Variants in ERLEC1 observed in about 807,000 individuals in gnomAD.
The protein encoded by ERLEC1 is endoplasmic reticulum lectin 1, also known as ER lectin.
ERLEC1 carries 47 observed loss-of-function variants against 68.0 expected under a neutral mutation model. The observed-to-expected ratio is 0.69, with a 90% CI of 0.55 to 0.88. The LOEUF is 0.88. ERLEC1 is among the 40% of genes least tolerant of loss of function. The probability of loss-of-function intolerance (pLI) is 0.00; values close to 1 mark genes in which losing one functional copy is unlikely to be tolerated. For missense variants in ERLEC1, 567 were observed against 583.8 expected (o/e 0.97, Z 0.30); for synonymous variants, 225 against 203.2 (o/e 1.11, Z -0.91).
chr2:53,806,132 A>T (rs1014580194), intron 8 of ERLEC1, among the ~76,000 whole-genome samples: 1 of 152,208 alleles, frequency 6.6e-6, no homozygotes, highest in Non-Finnish European at 1.5e-5. Flanking sequence ...ATAAACAAAA[A>T]TATAAATCTG....
chr2:53,797,541 A>C lies in ERLEC1; in HGVS notation c.375A>C (p.Val125=). The change falls in exon 4 of 14, where the codon GTA becomes GTC. Residue 125 remains valine (V), a synonymous_variant. Coordinates refer to ENST00000185150, the MANE Select transcript of ERLEC1 (RefSeq NM_015701.5). ...YRIESYWTYE[V]CHGKHIRQYH... ...TTGAGTCTTATTGGACTTACGAAGT[A>C]TGTCATGGAAAACACATTCGGCAGT... 1 of 1,612,716 alleles carries C rather than the reference A, an allele frequency of 6.2e-7. No individual in the cohort carries two copies.
At chr2:53,814,412 T>C (rs1676751595) in intron 11 of ERLEC1, 131 bp from the exon 12 acceptor site, 1 of 534,976 alleles carries the variant, frequency 1.9e-6, no homozygotes, top group African/African-American at 1.9e-5. Flanking sequence ...TTTTAAAGAA[T>C]ATTTTATAGT....
intron 13 of ERLEC1, among the ~76,000 whole-genome samples, chr2:53,817,317 T>C (rs1439608946): frequency 1.3e-5 from 2 of 152,056 alleles, no homozygotes; most frequent in African/African-American, 4.8e-5. Flanking sequence ...GTATTTTTAG[T>C]AGAGACGGGG....
intron 13 of ERLEC1, 53 bp downstream of exon 13, chr2:53,814,988 T>TTTTTTTA: frequency 9.4e-7 from 1 of 1,067,744 alleles, no homozygotes; most frequent in Non-Finnish European, 1.3e-6. Flanking sequence ...TGTTTTAATT[T>TTTTTTTA]TTTTTTCTTT....
chr2:53,808,680 A>G (rs1676430147), intron 9 of ERLEC1, among the ~76,000 whole-genome samples: 1 of 152,130 alleles, frequency 6.6e-6, no homozygotes, highest in Admixed American at 6.6e-5. Context: ...TAAAAATTTG[A>G]CCTTTTGTCT....
At chr2:53,797,831 G>A (rs761069191) in intron 5 of ERLEC1, 36 bp downstream of exon 5, 3 of 1,542,990 alleles carry the variant, frequency 1.9e-6, no homozygotes, top group Non-Finnish European at 2.7e-6. Context: ...AGTAATGCTG[G>A]AATTTGGTTT....
In ERLEC1 at chr2:53,787,368, C is replaced by T. The variant is rs372793033; in HGVS notation, c.158C>T (p.Ser53Phe). The T allele has an allele frequency of 1.4e-5, 23 of 1,610,406 alleles. No homozygotes were observed. Among genetic ancestry groups the T allele is most frequent in the African/African-American group, 2.7e-5 (2 of 74,930 alleles). Residue 53 changes from serine to phenylalanine, a missense_variant, in exon 1 of 14, where the codon TCT (serine) becomes TTT (phenylalanine). Coordinates refer to ENST00000185150, the MANE Select transcript of ERLEC1 (RefSeq NM_015701.5). ...GTCAACTGGCCCGGCACCGAGTTCT[C>T]TCTGGTCAGTGCCCTCACTAACCCC... Reference protein sequence around the residue: ...FRVNWPGTEFSLPTTGVLYKE... With the variant: ...FRVNWPGTEFFLPTTGVLYKE...
At chr2:53,790,132 C>T (rs902062213) in intron 1 of ERLEC1, among the ~76,000 whole-genome samples, 1 of 151,678 alleles carries the variant, frequency 6.6e-6, no homozygotes, top group Non-Finnish European at 1.5e-5. Flanking sequence ...CTCGCTCTGT[C>T]ACCCAGGCTA....
At position 53,801,208 on chromosome 2, in the gene ERLEC1, A is replaced by T. The variant is rs1410953689; in HGVS notation, c.526-189A>T. Among the ~76,000 whole-genome samples the T allele has an allele frequency of 2.6e-5, 4 of 152,354 alleles. No individual in the cohort carries two copies. The East Asian group carries it at 7.7e-4, about 29-fold the overall frequency. ...TGTATTAAACTAGCTCTGAAAATAC[A>T]TATTTGCTCAAATAAAAACTTACGA... is the stretch of plus-strand genomic sequence containing the variant. On this transcript the variant is annotated intron_variant, in intron 6 of 13. Transcript: ENST00000185150.
chr2:53,817,413 A>G (rs536339949), intron 13 of ERLEC1, among the ~76,000 whole-genome samples: 1 of 152,250 alleles, frequency 6.6e-6, no homozygotes, highest in South Asian at 2.1e-4. Context: ...GATTACAGGC[A>G]TGAGCCATCG....
chr2:53,787,229 G>GGCGTACGGAGTCTGGTC lies in ERLEC1; in HGVS notation c.20_36dup (p.Pro13AlafsTer63). 1 of 1,604,392 alleles carries GGCGTACGGAGTCTGGTC rather than the reference G, an allele frequency of 6.2e-7. No homozygotes were observed. The highest frequency in any genetic ancestry group is 8.5e-7 in the Non-Finnish European group (1 of 1,178,864). On this transcript the variant is annotated frameshift_variant, in exon 1 of 14. Transcript: ENST00000185150. LOFTEE classifies it high-confidence loss of function. The stretch of plus-strand genomic sequence containing the variant: ...GCGGAGGATGGAGGAAGGAGGCGGC[G>GGCGTACGGAGTCTGGTC]GCGTACGGAGTCTGGTCCCGGGCGG...
chr2:53,805,161 T>C (rs1676219844), intron 8 of ERLEC1, among the ~76,000 whole-genome samples: 1 of 151,780 alleles, frequency 6.6e-6, no homozygotes, highest in Non-Finnish European at 1.5e-5. Flanking sequence ...TAGCTGGGAT[T>C]ACAGGCACCC....
intron 10 of ERLEC1, among the ~76,000 whole-genome samples, chr2:53,812,611 G>T (rs1222181192): frequency 6.6e-6 from 1 of 152,028 alleles, no homozygotes; most frequent in East Asian, 1.9e-4. Context: ...TGAGTTGCTG[G>T]CAGTGAAAAA....
intron 1 of ERLEC1, among the ~76,000 whole-genome samples, chr2:53,789,269 C>T (rs965283625): frequency 6.6e-6 from 1 of 151,652 alleles, no homozygotes; most frequent in Non-Finnish European, 1.5e-5. Flanking sequence ...TGGTGCACAC[C>T]AGTGCTCCCA....
rs117970290 is a variant in ERLEC1 at position 53,810,096 on chromosome 2, G to A, written c.1101+823G>A. 2.8e-4 allele frequency among the ~76,000 whole-genome samples: 42 copies of A among 152,080 alleles called. No homozygotes were observed. The East Asian group carries it at 6.8e-3, about 25-fold the overall frequency. On this transcript the variant is annotated intron_variant, in intron 10 of 13. Transcript: ENST00000185150. The stretch of plus-strand genomic sequence containing the variant: ...AAAACCAAACAAACAAAAAAAGAAC[G>A]AAAATAAATGATAAGATCATACATT...
chr2:53,787,120 C>CCGG lies in ERLEC1; in HGVS notation c.-89_-88insGCG. 1 of 1,362,232 alleles carries CCGG rather than the reference C, an allele frequency of 7.3e-7. No individual in the cohort carries two copies. The highest frequency in any genetic ancestry group is 9.6e-7 in the Non-Finnish European group (1 of 1,043,048). The allele number at this position is 1,362,232 out of a possible 1,614,324, so 84.4% of individuals were successfully genotyped here. A position where few individuals can be genotyped will look rare whatever the true frequency, so the allele number is the denominator to read the frequency against. ...GGTGATACCCGGGCGCTTTATAGTC[C>CCGG]CGCCGCCTCCTCCTCCACCTCCTCC... On this transcript the variant is annotated 5_prime_UTR_variant, in exon 1 of 14. Coordinates refer to ENST00000185150, the MANE Select transcript of ERLEC1 (RefSeq NM_015701.5).
At chr2:53,805,297 C>T (rs1676230035) in intron 8 of ERLEC1, among the ~76,000 whole-genome samples, 1 of 152,104 alleles carries the variant, frequency 6.6e-6, no homozygotes, top group Non-Finnish European at 1.5e-5. Flanking sequence ...TACGGGATTA[C>T]AGACATGAGC....
At chr2:53,793,557 G>A (rs1558591607) in intron 1 of ERLEC1, among the ~76,000 whole-genome samples, 1 of 151,988 alleles carries the variant, frequency 6.6e-6, no homozygotes, top group Non-Finnish European at 1.5e-5. Context: ...TTTAATAAGT[G>A]CTCAGTGATG....
chr2:53,815,925 G>A (rs959747157), intron 13 of ERLEC1, among the ~76,000 whole-genome samples: 23 of 152,022 alleles, frequency 1.5e-4, no homozygotes, highest in African/African-American at 4.8e-4. Context: ...CAGAGGTCTG[G>A]ACATTAACTC....
Sources: gnomAD v4.1 joint callset for allele counts (sites outside exome capture counted in the v4.1 genomes callset) on GRCh38, gnomAD v4.1.1 for gene constraint, MANE v1.5 for transcripts, NCBI Gene and HGNC (gene_info 2026-07-23, HGNC 2026-07-21) for gene names.